The following HMCN1 variants were observed in gnomAD, a reference collection of about 807,000 sequenced individuals.
HMCN1 encodes the protein hemicentin 1, also known as hemicentin-1.
HMCN1 carries 321 observed loss-of-function variants against 625.9 expected under a neutral mutation model. The observed-to-expected ratio is 0.51, with a 90% CI of 0.47 to 0.56. The LOEUF (loss-of-function observed/expected upper bound fraction) is 0.56. HMCN1 is among the 20% of genes least tolerant of loss of function. The pLI, the probability that HMCN1 is intolerant of heterozygous loss-of-function variation, is 0.00. For missense variants in HMCN1, 6,588 were observed against 6,887.3 expected (o/e 0.96, Z 1.54); for synonymous variants, 2,425 against 2,417.6 (o/e 1.00, Z -0.09).
At chr1:186,043,172 C>T (rs1656320943) in intron 40 of HMCN1, among the ~76,000 whole-genome samples, 1 of 152,088 alleles carries the variant, frequency 6.6e-6, no homozygotes, top group African/African-American at 2.4e-5. Flanking sequence ...TTAAATTTAA[C>T]AAACATAATG....
chr1:185,786,983 T>A (rs1657620717), intron 1 of HMCN1, among the ~76,000 whole-genome samples: 1 of 152,222 alleles, frequency 6.6e-6, no homozygotes, highest in Non-Finnish European at 1.5e-5. Flanking sequence ...ATAACTTTGT[T>A]TTTCACCATT....
chr1:185,868,769 C>T (rs1269415437), intron 4 of HMCN1, among the ~76,000 whole-genome samples: 2 of 151,914 alleles, frequency 1.3e-5, no homozygotes, highest in African/African-American at 2.4e-5. Context: ...CTGACAATTA[C>T]CAGATAATTT....
At chr1:186,066,152 C>T (rs1162030911) in intron 49 of HMCN1, among the ~76,000 whole-genome samples, 1 of 152,092 alleles carries the variant, frequency 6.6e-6, no homozygotes, top group Non-Finnish European at 1.5e-5. Flanking sequence ...AGAAAAATTA[C>T]ATCAAAATAC....
chr1:186,093,814 G>A (rs1409513663), intron 66 of HMCN1, 145 bp downstream of exon 66: 13 of 1,063,336 alleles, frequency 1.2e-5, no homozygotes, highest in Non-Finnish European at 1.7e-5. Context: ...AGTAGAGGAA[G>A]GACAACAAAT....
At chr1:186,101,596 AAC>A (rs1214927901) in intron 68 of HMCN1, among the ~76,000 whole-genome samples, 2 of 152,148 alleles carry the variant, frequency 1.3e-5, no homozygotes, top group East Asian at 3.9e-4. Flanking sequence ...ATATGGACAA[AAC>A]ACAGAGTAAA....
chr1:186,072,459 G>A (rs1410408574), intron 52 of HMCN1, among the ~76,000 whole-genome samples: 2 of 152,118 alleles, frequency 1.3e-5, no homozygotes, highest in Non-Finnish European at 1.5e-5. Context: ...TAAATGCAGG[G>A]AATACAGCTG....
At chr1:185,927,334 G>A (rs1378435659) in intron 9 of HMCN1, among the ~76,000 whole-genome samples, 1 of 152,170 alleles carries the variant, frequency 6.6e-6, no homozygotes, top group Non-Finnish European at 1.5e-5. Flanking sequence ...CAGCTTACAT[G>A]ATCAGTGTGG....
At chr1:186,048,160 A>C (rs1265720406) in intron 41 of HMCN1, among the ~76,000 whole-genome samples, 3 of 152,156 alleles carry the variant, frequency 2.0e-5, no homozygotes, top group African/African-American at 7.2e-5. Flanking sequence ...ACTACCTAGC[A>C]CAAGGGTTGT....
chr1:185,948,907 G>A (rs1200304258), intron 11 of HMCN1, among the ~76,000 whole-genome samples: 8 of 148,692 alleles, frequency 5.4e-5, no homozygotes, highest in South Asian at 2.1e-4. Context: ...CTGAAGGGAG[G>A]TCTTGTGGTA....
chr1:185,890,098 A>C (rs1293927399), intron 4 of HMCN1, among the ~76,000 whole-genome samples: 1 of 151,892 alleles, frequency 6.6e-6, no homozygotes, highest in Non-Finnish European at 1.5e-5. Flanking sequence ...TTATTAGCTT[A>C]GAGGTGTTTG....
chr1:185,974,524 T>A (rs1436069134), intron 15 of HMCN1, among the ~76,000 whole-genome samples: 6 of 152,128 alleles, frequency 3.9e-5, no homozygotes, highest in Admixed American at 3.9e-4. Flanking sequence ...GCAAACAGCC[T>A]CCTCTGTAGA....
At position 186,088,017 on chromosome 1, in the gene HMCN1, AGCATTT is replaced by A; in HGVS notation, c.9445+7_9445+12del. 6.2e-7 allele frequency: 1 copy of A among 1,612,860 alleles called. No individual in the cohort carries two copies. Among genetic ancestry groups the A allele is most frequent in the Non-Finnish European group, 8.5e-7 (1 of 1,179,174 alleles). ...AATTTCCACCTCAATGTATATGGTG[AGCATTT>A]GCCTCTAATACAACTCTTTTTCCCC... is the stretch of plus-strand genomic sequence containing the variant. On this transcript the variant is annotated splice_donor_5th_base_variant and intron_variant, in intron 61 of 106. Transcript: ENST00000271588.
intron 30 of HMCN1, among the ~76,000 whole-genome samples, chr1:186,011,635 A>G (rs971782587): frequency 3.3e-5 from 5 of 152,184 alleles, no homozygotes; most frequent in Non-Finnish European, 7.3e-5. Flanking sequence ...CACTGCTAGA[A>G]CTGTAATTTG....
intron 72 of HMCN1, among the ~76,000 whole-genome samples, chr1:186,113,498 C>T (rs1315905650): frequency 6.6e-6 from 1 of 152,208 alleles, no homozygotes; most frequent in Admixed American, 6.5e-5. Flanking sequence ...AAAATTCAGG[C>T]TGTCTATTCC....
At chr1:185,989,743 C>T in intron 21 of HMCN1, 96 bp downstream of exon 21, 1 of 1,177,914 alleles carries the variant, frequency 8.5e-7, no homozygotes, top group Non-Finnish European at 1.2e-6. Flanking sequence ...TGCATGTACC[C>T]CTAAAGTGAA....
chr1:185,911,527 G>C (rs896502425), intron 5 of HMCN1, 147 bp from the exon 6 acceptor site: 4 of 733,096 alleles, frequency 5.5e-6, no homozygotes, highest in Non-Finnish European at 1.0e-5. Context: ...AAGACTCTTT[G>C]GGTTAGTTTG....
In HMCN1 at chr1:186,069,532, A is replaced by T. The variant is rs1055955222; in HGVS notation, c.7880-131A>T. ...TCAGTATTGCAGTTTATCTTATATC[A>T]TATGTCCATCACAGAATTGTCATAT... is the stretch of plus-strand genomic sequence containing the variant. On this transcript the variant is annotated intron_variant, in intron 50 of 106. Coordinates refer to ENST00000271588, the MANE Select transcript of HMCN1 (RefSeq NM_031935.3). 25 of 706,936 alleles carry T rather than the reference A, an allele frequency of 3.5e-5. No homozygotes were observed. The African/African-American group carries it at 4.4e-4, about 12-fold the overall frequency. The allele number at this position is 706,936 out of a possible 1,614,324, so 43.8% of individuals were successfully genotyped here. A position where few individuals can be genotyped will look rare whatever the true frequency, so the allele number is the denominator to read the frequency against.
intron 4 of HMCN1, among the ~76,000 whole-genome samples, chr1:185,884,708 C>A (rs187348195): frequency 2.0e-5 from 3 of 151,986 alleles, no homozygotes; most frequent in African/African-American, 7.2e-5. Context: ...AGTCAATTTA[C>A]CTGTTTGGGA....
At chr1:186,069,968 G>A (rs1275644773) in intron 51 of HMCN1, among the ~76,000 whole-genome samples, 192 bp downstream of exon 51, 1 of 152,212 alleles carries the variant, frequency 6.6e-6, no homozygotes, top group Admixed American at 6.5e-5. Context: ...GATGTGAAGA[G>A]CCTACTAAAT....
Sources: gnomAD v4.1 joint callset for allele counts (sites outside exome capture counted in the v4.1 genomes callset) on GRCh38, gnomAD v4.1.1 for gene constraint, MANE v1.5 for transcripts, NCBI Gene and HGNC (gene_info 2026-07-23, HGNC 2026-07-21) for gene names.